The following CHD7 variants were observed in gnomAD, a reference collection of about 807,000 sequenced individuals.
CHD7 encodes the protein ATP-dependent chromatin remodeler CHD7.
Under a neutral mutation model 307.3 loss-of-function variants are expected in CHD7, and 24 were observed. That is an observed-to-expected ratio of 0.08 (90% CI 0.06 to 0.11). The LOEUF (loss-of-function observed/expected upper bound fraction) is 0.11. Ranked by LOEUF, CHD7 falls within the 10% of genes least tolerant of loss-of-function variation. CHD7 has a pLI of 1.00. For synonymous variants in CHD7, 1,363 were observed against 1,349.9 expected, an observed-to-expected ratio of 1.01 and a Z score of -0.21; for missense variants, 3,106 against 3,727.1, an observed-to-expected ratio of 0.83 and a Z score of 4.34.
At chr8:60,848,200 A>AG (rs1260908200) in intron 23 of CHD7, among the ~76,000 whole-genome samples, 1 of 152,228 alleles carries the variant, frequency 6.6e-6, no homozygotes, top group Non-Finnish European at 1.5e-5. Context: ...AATACTTCAG[A>AG]GGCAATGGTA....
intron 1 of CHD7, among the ~76,000 whole-genome samples, chr8:60,705,259 C>A (rs1035101956): frequency 6.6e-6 from 1 of 152,090 alleles, no homozygotes; most frequent in Non-Finnish European, 1.5e-5. Context: ...AGTGAACTTG[C>A]GCGTTTGGCT....
chr8:60,829,526 G>A (rs993564288), intron 14 of CHD7, among the ~76,000 whole-genome samples: 2 of 152,160 alleles, frequency 1.3e-5, no homozygotes, highest in African/African-American at 2.4e-5. Context: ...ACTTGAACCC[G>A]GGAGGCAGAG....
intron 7 of CHD7, among the ~76,000 whole-genome samples, chr8:60,814,719 T>A (rs141582608): frequency 1.8e-4 from 27 of 152,342 alleles, no homozygotes; most frequent in African/African-American, 5.1e-4. Flanking sequence ...TGTTTCTGAT[T>A]ATGACAGTAT....
rs375459176 is a variant in CHD7 at position 60,865,549 on chromosome 8, G to C, written c.8610G>C (p.Ala2870=). 27 of 1,613,928 alleles carry C rather than the reference G, an allele frequency of 1.7e-5. No homozygotes were observed. The highest frequency in any genetic ancestry group is 2.0e-5 in the Non-Finnish European group (24 of 1,179,904). Residue 2870 remains alanine (A), a synonymous_variant, in exon 38 of 38, where the codon GCG becomes GCC. Coordinates refer to ENST00000423902, the MANE Select transcript of CHD7 (RefSeq NM_017780.4). This position sits in a 1 kb window ranked among gnomAD's most constrained non-coding sequence, Gnocchi z 4.3. ...STDAVSAADS[A]NGSVGAATAP... The stretch of plus-strand genomic sequence containing the variant: ...ATGCTGTTTCGGCTGCTGACTCTGC[G>C]AATGGATCTGTTGGTGCTGCTACTG...
At chr8:60,828,439 A>G (rs984365766) in intron 13 of CHD7, among the ~76,000 whole-genome samples, 4 of 152,182 alleles carry the variant, frequency 2.6e-5, no homozygotes, top group African/African-American at 9.7e-5. Context: ...CAAAATGGCA[A>G]GACACATTTA....
intron 3 of CHD7, among the ~76,000 whole-genome samples, chr8:60,786,160 G>T (rs963002585): frequency 2.0e-5 from 3 of 152,124 alleles, no homozygotes; most frequent in Admixed American, 6.6e-5. Context: ...TTTAAATCCC[G>T]AATCCTTCTT....
intron 1 of CHD7, among the ~76,000 whole-genome samples, chr8:60,717,108 G>A (rs755694135): frequency 2.0e-5 from 3 of 147,996 alleles, no homozygotes; most frequent in South Asian, 4.2e-4. Flanking sequence ...ATCTGGGTAC[G>A]TAATGTTCAT....
chr8:60,767,828 G>A (rs1320838453), intron 2 of CHD7, among the ~76,000 whole-genome samples: 1 of 152,130 alleles, frequency 6.6e-6, no homozygotes, highest in Non-Finnish European at 1.5e-5. Flanking sequence ...CATGAATGAA[G>A]TTTTTATACT....
intron 2 of CHD7, among the ~76,000 whole-genome samples, chr8:60,778,971 A>G (rs1189517529): frequency 6.6e-6 from 1 of 152,226 alleles, no homozygotes; most frequent in Non-Finnish European, 1.5e-5. Flanking sequence ...TTATCCCTGC[A>G]TGGAAATCTG....
At chr8:60,759,529 C>T (rs545527011) in intron 2 of CHD7, among the ~76,000 whole-genome samples, 1 of 150,958 alleles carries the variant, frequency 6.6e-6, no homozygotes, top group Non-Finnish European at 1.5e-5. Flanking sequence ...CTCTTTCTCT[C>T]AGTCTCTCTC....
chr8:60,857,656 G>A (rs999982545), intron 34 of CHD7, among the ~76,000 whole-genome samples: 1 of 152,134 alleles, frequency 6.6e-6, no homozygotes, highest in Admixed American at 6.5e-5. Context: ...AGGAGTGGGT[G>A]CTCCAGGAAG....
intron 4 of CHD7, among the ~76,000 whole-genome samples, chr8:60,799,284 G>A (rs112231168): frequency 9.9e-5 from 15 of 152,252 alleles, no homozygotes; most frequent in Middle Eastern, 3.4e-3. Context: ...GTGAGTCAAA[G>A]GTCTGCATGT....
At chr8:60,801,646 G>C (rs1273034445) in intron 6 of CHD7, 53 bp downstream of exon 6, 1 of 1,120,204 alleles carries the variant, frequency 8.9e-7, no homozygotes, top group African/African-American at 1.6e-5. Context: ...ACTCTTACAG[G>C]ATTGTTGGCT....
At chr8:60,719,427 GC>G (rs1807786660) in intron 1 of CHD7, among the ~76,000 whole-genome samples, 1 of 152,088 alleles carries the variant, frequency 6.6e-6, no homozygotes, top group Admixed American at 6.5e-5. Context: ...ACGTGTGGGG[GC>G]TCAAAGGTTT....
intron 1 of CHD7, among the ~76,000 whole-genome samples, chr8:60,712,369 A>G (rs1240991965): frequency 2.0e-5 from 3 of 152,162 alleles, no homozygotes; most frequent in Admixed American, 1.3e-4. Context: ...AAATAATAGG[A>G]AAAAAGAAGA....
intron 2 of CHD7, among the ~76,000 whole-genome samples, chr8:60,754,265 T>C (rs1269988260): frequency 6.6e-6 from 1 of 152,222 alleles, no homozygotes; most frequent in Non-Finnish European, 1.5e-5. Flanking sequence ...CATTTTTTTC[T>C]TAAGTCATCT....
At chr8:60,808,644 A>G (rs367550185) in intron 7 of CHD7, 35 of 192,948 alleles carry the variant, frequency 1.8e-4, no homozygotes, top group African/African-American at 8.1e-4. Flanking sequence ...GGCCCTAGAG[A>G]CAAGAACTCT....
rs190047556 is a variant in CHD7, at chr8:60,719,062, A to G, written c.-174-22197A>G. On this transcript the variant is annotated intron_variant, in intron 1 of 37. Coordinates refer to ENST00000423902, the MANE Select transcript of CHD7 (RefSeq NM_017780.4). ...TGTAAGTGCACTCTGTGATGTTTGC[A>G]CAAAGATAAAATCACTTAGCGACAC... 7.9e-4 allele frequency among the ~76,000 whole-genome samples: 121 copies of G among 152,322 alleles called. No homozygotes were observed. The East Asian group carries it at 0.014, about 17-fold the overall frequency.
chr8:60,794,506 T>G (rs1811924859), intron 3 of CHD7, among the ~76,000 whole-genome samples: 1 of 152,180 alleles, frequency 6.6e-6, no homozygotes, highest in African/African-American at 2.4e-5. Context: ...TAAAAGATTA[T>G]AAGTTGAACA....
Sources: gnomAD v4.1 joint callset for allele counts (sites outside exome capture counted in the v4.1 genomes callset) on GRCh38, gnomAD v4.1.1 for gene constraint, Gnocchi (gnomAD v3.1) non-coding constraint, MANE v1.5 for transcripts, NCBI Gene and HGNC (gene_info 2026-07-23, HGNC 2026-07-21) for gene names.